Variants in FHIT observed in about 807,000 individuals in gnomAD.
FHIT encodes the protein fragile histidine triad diadenosine triphosphatase.
FHIT carries 19 observed loss-of-function variants against 17.9 expected under a neutral mutation model. That is an observed-to-expected ratio of 1.06 (90% CI 0.74 to 1.56). FHIT has a LOEUF of 1.56. FHIT is among the 40% of genes most tolerant of loss of function. The pLI is 0.00. For missense variants in FHIT, 248 were observed against 189.2 expected (o/e 1.31, Z -1.82); for synonymous variants, 81 against 69.7 (o/e 1.16, Z -0.81).
At chr3:60,961,393 G>A (rs1245359265) in intron 3 of FHIT, among the ~76,000 whole-genome samples, 1 of 152,170 alleles carries the variant, frequency 6.6e-6, no homozygotes, top group Non-Finnish European at 1.5e-5. Context: ...TGTTCACTCT[G>A]ATGGTAGTTT....
At chr3:60,725,195 T>G (rs1209959600) in intron 4 of FHIT, among the ~76,000 whole-genome samples, 1 of 152,234 alleles carries the variant, frequency 6.6e-6, no homozygotes, top group African/African-American at 2.4e-5. Flanking sequence ...TCCAAGTTTC[T>G]TATCAGATAT....
intron 5 of FHIT, among the ~76,000 whole-genome samples, chr3:60,366,511 A>G (rs547215676): frequency 3.3e-5 from 5 of 152,330 alleles, no homozygotes; most frequent in Admixed American, 6.5e-5. Flanking sequence ...ATTTAATTAC[A>G]GGAGGTGGGA....
chr3:60,890,221 TAAAAAAAAAAAAAAAAAA>T (rs59950717), intron 3 of FHIT, among the ~76,000 whole-genome samples: 1 of 115,658 alleles, frequency 8.6e-6, no homozygotes, highest in African/African-American at 3.8e-5. Context: ...TTCCATGATG[TAAAAAAAAAAAAAAAAAA>T]AAAAAAAAAG....
intron 5 of FHIT, among the ~76,000 whole-genome samples, chr3:60,059,249 G>C (rs1702207896): frequency 6.6e-6 from 1 of 152,222 alleles, no homozygotes; most frequent in African/African-American, 2.4e-5. Context: ...GTGAGCACAA[G>C]CATGCGCATT....
intron 7 of FHIT, among the ~76,000 whole-genome samples, chr3:59,947,133 G>C (rs763661787): frequency 6.6e-6 from 1 of 152,152 alleles, no homozygotes; most frequent in Non-Finnish European, 1.5e-5. Context: ...CTGTGAATCT[G>C]TCTGGTCCGT....
intron 3 of FHIT, among the ~76,000 whole-genome samples, chr3:60,893,789 G>A (rs1206579690): frequency 6.6e-6 from 1 of 152,138 alleles, no homozygotes; most frequent in Non-Finnish European, 1.5e-5. Context: ...ACCTGGGCAG[G>A]TACCTTCCAA....
intron 3 of FHIT, among the ~76,000 whole-genome samples, chr3:60,998,711 A>C (rs2030847284): frequency 6.6e-6 from 1 of 152,158 alleles, no homozygotes; most frequent in Non-Finnish European, 1.5e-5. Context: ...TAGGAATAGT[A>C]AGCTCTTTTA....
chr3:60,176,394 CTA>C (rs1192135771), intron 5 of FHIT, among the ~76,000 whole-genome samples: 1 of 152,084 alleles, frequency 6.6e-6, no homozygotes, highest in Non-Finnish European at 1.5e-5. Context: ...CTAGTAGCTA[CTA>C]TATTAGAGCA....
intron 4 of FHIT, among the ~76,000 whole-genome samples, chr3:60,761,327 C>A (rs1396831193): frequency 6.6e-6 from 1 of 152,114 alleles, no homozygotes; most frequent in Non-Finnish European, 1.5e-5. Context: ...AGTGAACGTG[C>A]GTATGAGCAC....
At chr3:59,873,441 A>G (rs536036984) in intron 8 of FHIT, among the ~76,000 whole-genome samples, 16 of 152,352 alleles carry the variant, frequency 1.1e-4, no homozygotes, top group African/African-American at 3.6e-4. Flanking sequence ...GCCAATTAAC[A>G]TAAATGGTTC....
At chr3:59,984,600 A>T (rs1018278311) in intron 7 of FHIT, among the ~76,000 whole-genome samples, 1 of 152,118 alleles carries the variant, frequency 6.6e-6, no homozygotes, top group Admixed American at 6.6e-5. Flanking sequence ...CATGTGAAAT[A>T]GAATAACCTT....
intron 4 of FHIT, among the ~76,000 whole-genome samples, chr3:60,779,042 G>C (rs906638283): frequency 1.2e-4 from 19 of 152,152 alleles, no homozygotes; most frequent in Admixed American, 1.1e-3. Flanking sequence ...AGCTTTAAAA[G>C]GTCTTATCTG....
chr3:60,413,597 A>G (rs1344482491), intron 5 of FHIT, among the ~76,000 whole-genome samples: 1 of 152,138 alleles, frequency 6.6e-6, no homozygotes, highest in Non-Finnish European at 1.5e-5. Flanking sequence ...TATAGTGGTA[A>G]AGGCATTGCC....
chr3:61,137,442 G>A (rs1404257428), intron 2 of FHIT, among the ~76,000 whole-genome samples: 1 of 151,844 alleles, frequency 6.6e-6, no homozygotes. Context: ...TTTTGGCCAC[G>A]TCTCTAAGTT....
intron 3 of FHIT, among the ~76,000 whole-genome samples, chr3:60,963,570 G>A (rs1709567825): frequency 6.6e-6 from 1 of 152,110 alleles, no homozygotes; most frequent in African/African-American, 2.4e-5. Flanking sequence ...GGCATTTAGT[G>A]CTATAAATTT....
At chr3:60,854,404 G>A (rs1703283083) in intron 3 of FHIT, among the ~76,000 whole-genome samples, 1 of 152,022 alleles carries the variant, frequency 6.6e-6, no homozygotes. Context: ...CTAACCAACA[G>A]CCCAACAGTG....
chr3:60,088,199 G>A (rs543940729), intron 5 of FHIT, among the ~76,000 whole-genome samples: 1 of 151,990 alleles, frequency 6.6e-6, no homozygotes, highest in Non-Finnish European at 1.5e-5. Flanking sequence ...TCCCCCAAAG[G>A]CAGGCATTAA....
chr3:59,783,038 G>C (rs974812663), intron 8 of FHIT, among the ~76,000 whole-genome samples: 2 of 152,114 alleles, frequency 1.3e-5, no homozygotes, highest in African/African-American at 4.8e-5. Context: ...TGTCTGGGGA[G>C]TAGGGGTCCA....
At chr3:60,708,952 G>C (rs1463942680) in intron 4 of FHIT, among the ~76,000 whole-genome samples, 1 of 152,090 alleles carries the variant, frequency 6.6e-6, no homozygotes, top group Non-Finnish European at 1.5e-5. Flanking sequence ...TATTGCCTTT[G>C]TTTCTGGCAA....
Sources: allele counts gnomAD v4.1 joint callset (sites outside exome capture counted in the v4.1 genomes callset), GRCh38; gene constraint gnomAD v4.1.1; transcripts MANE v1.5; gene names NCBI Gene and HGNC (gene_info 2026-07-23, HGNC 2026-07-21).